Variants in PALLD observed in about 807,000 individuals in gnomAD.
The protein encoded by PALLD is palladin.
PALLD carries 61 observed loss-of-function variants against 123.5 expected under a neutral mutation model. The observed-to-expected ratio is 0.49, with a 90% CI of 0.40 to 0.61. PALLD has a LOEUF of 0.61. PALLD is among the 20% of genes least tolerant of loss of function. The pLI is 0.00. For synonymous variants in PALLD, 465 were observed against 496.4 expected (o/e 0.94, Z 0.84); for missense variants, 1,273 against 1,377.0 (o/e 0.92, Z 1.20).
At chr4:168,600,730 T>C (rs990774488) in intron 2 of PALLD, among the ~76,000 whole-genome samples, 4 of 152,078 alleles carry the variant, frequency 2.6e-5, no homozygotes. Flanking sequence ...AGAATAGTTT[T>C]ATATTGGGGG....
chr4:168,792,483 C>T (rs959250895), intron 10 of PALLD, among the ~76,000 whole-genome samples: 1 of 152,060 alleles, frequency 6.6e-6, no homozygotes, highest in Non-Finnish European at 1.5e-5. Flanking sequence ...TACTTCCTCT[C>T]GCCTACCCAA....
At chr4:168,855,288 A>C (rs545280408) in intron 10 of PALLD, among the ~76,000 whole-genome samples, 165 of 152,134 alleles carry the variant, frequency 1.1e-3, no homozygotes, top group African/African-American at 3.6e-3. Flanking sequence ...ACAAGGTTTC[A>C]CCATGTTGAC....
chr4:168,891,168 T>C lies in PALLD; in HGVS notation c.2100+111T>C, dbSNP rs1334931386. 25 of 1,088,588 alleles carry C rather than the reference T, an allele frequency of 2.3e-5. 2 individuals are homozygous for C. The highest frequency in any genetic ancestry group is 2.1e-4 in the South Asian group (16 of 77,018). 67.4% of individuals were successfully genotyped at this position (1,088,588 alleles called of 1,614,324 possible). A position where few individuals can be genotyped will look rare whatever the true frequency, so the allele number is the denominator to read the frequency against. On this transcript the variant is annotated intron_variant, in intron 11 of 21. Transcript: ENST00000505667. ...TTGTCCACAACATCATCATTATTAT[T>C]ATTATTATTTTTGAGACAGGGTCAC...
At chr4:168,731,388 C>G (rs966172181) in intron 10 of PALLD, among the ~76,000 whole-genome samples, 4 of 152,186 alleles carry the variant, frequency 2.6e-5, no homozygotes, top group Non-Finnish European at 5.9e-5. Context: ...AGAATCTCCC[C>G]TATTCCCAAG....
intron 10 of PALLD, among the ~76,000 whole-genome samples, chr4:168,839,460 G>A (rs949298744): frequency 9.9e-5 from 15 of 152,042 alleles, no homozygotes; most frequent in Admixed American, 3.9e-4. Context: ...AGAATAATAC[G>A]AGAACTAGAT....
chr4:168,557,711 G>C (rs1313382111), intron 2 of PALLD, among the ~76,000 whole-genome samples: 1 of 152,074 alleles, frequency 6.6e-6, no homozygotes, highest in Admixed American at 6.5e-5. Context: ...TCTCAAGCAC[G>C]GTCTCCTTCA....
Position 168,878,682 on chromosome 4 carries a change from TGG to T in PALLD, c.1965-12230_1965-12229del, listed in dbSNP as rs10686951. Among the ~76,000 whole-genome samples the T allele has an allele frequency of 9.7e-3, 811 of 83,926 alleles. 16 individuals carry two copies. Among genetic ancestry groups the T allele is most frequent in the Admixed American group, 0.011 (91 of 8,290 alleles). 55.1% of individuals were successfully genotyped at this position (83,926 alleles called of 152,430 possible). A position where few individuals can be genotyped will look rare whatever the true frequency, so the allele number is the denominator to read the frequency against. On this transcript the variant is annotated intron_variant, in intron 10 of 21. Transcript: ENST00000505667. ...ATGCAGTGCCCTCTCTTAATCATTA[TGG>T]GGGGGGGGGTGCTTAGCTATCATTT...
chr4:168,562,116 C>A (rs1767928986), intron 2 of PALLD, among the ~76,000 whole-genome samples: 1 of 151,416 alleles, frequency 6.6e-6, no homozygotes, highest in African/African-American at 2.4e-5. Flanking sequence ...AAAAGGAATG[C>A]AGACACCGTA....
chr4:168,511,673 G>T lies in PALLD; in HGVS notation c.169G>T (p.Asp57Tyr), dbSNP rs775550730. 30 of 1,614,174 alleles carry T rather than the reference G, an allele frequency of 1.9e-5. No individual in the cohort carries two copies. The highest frequency in any genetic ancestry group is 2.5e-5 in the Non-Finnish European group (30 of 1,180,026). Residue 57 changes from aspartate (D) to tyrosine (Y), a missense_variant, in exon 2 of 22, where the codon GAT becomes TAT. Coordinates refer to ENST00000505667, the MANE Select transcript of PALLD (RefSeq NM_001166108.2). ...RRAIADSETE[D>Y]FDSEKEISQI... ...AGCCATAGCCGACTCCGAAACAGAAGATTTTGACTCGGAAAAGGAGATCTC... is the reference window on the plus strand; with the variant it reads ...AGCCATAGCCGACTCCGAAACAGAATATTTTGACTCGGAAAAGGAGATCTC...
intron 2 of PALLD, among the ~76,000 whole-genome samples, chr4:168,634,335 CA>C (rs557786554): frequency 3.3e-5 from 5 of 152,146 alleles, no homozygotes; most frequent in Non-Finnish European, 7.4e-5. Context: ...TGGTCAGCCC[CA>C]AAGATGGTGG....
At chr4:168,499,554 A>AAAT (rs1191314628) in intron 1 of PALLD, among the ~76,000 whole-genome samples, 5 of 152,050 alleles carry the variant, frequency 3.3e-5, no homozygotes, top group South Asian at 4.2e-4. Context: ...ATATGAAAAT[A>AAAT]AAACTGCTAA....
rs150988973 is a variant in PALLD, at chr4:168,656,886, A to G, written c.909-11304A>G. 5.3e-3 allele frequency among the ~76,000 whole-genome samples: 808 copies of G among 152,354 alleles called. 13 individuals are homozygous for G. Among genetic ancestry groups the G allele is most frequent in the African/African-American group, 0.018 (744 of 41,578 alleles). ...ATAGACTGTTAAAACAGGCATAGCAAATATGTTTCAACTCAGGGGCCAACA... is the reference window on the plus strand; with the variant it reads ...ATAGACTGTTAAAACAGGCATAGCAGATATGTTTCAACTCAGGGGCCAACA... On this transcript the variant is annotated intron_variant, in intron 2 of 21. Transcript: ENST00000505667.
intron 10 of PALLD, among the ~76,000 whole-genome samples, chr4:168,851,931 G>C (rs1027283917): frequency 2.0e-5 from 3 of 152,164 alleles, no homozygotes; most frequent in African/African-American, 7.2e-5. Flanking sequence ...AGGAAAAAAA[G>C]AGGAGGCTAA....
chr4:168,761,554 G>A (rs186360061), intron 10 of PALLD, among the ~76,000 whole-genome samples: 5 of 150,780 alleles, frequency 3.3e-5, no homozygotes, highest in South Asian at 2.1e-4. Flanking sequence ...TCCGCCTCCC[G>A]GGCTCAAGCG....
At chr4:168,589,394 T>C (rs1452946437) in intron 2 of PALLD, among the ~76,000 whole-genome samples, 1 of 152,154 alleles carries the variant, frequency 6.6e-6, no homozygotes, top group East Asian at 1.9e-4. Context: ...CCCCAATCCC[T>C]CTGAGTCAGA....
intron 10 of PALLD, among the ~76,000 whole-genome samples, chr4:168,855,983 T>C (rs1207076141): frequency 6.6e-6 from 1 of 152,230 alleles, no homozygotes; most frequent in African/African-American, 2.4e-5. Context: ...AGAGGATGTT[T>C]TTCAGCCCCT....
At chr4:168,918,190 CAA>C (rs567095866) in intron 17 of PALLD, among the ~76,000 whole-genome samples, 10 of 118,018 alleles carry the variant, frequency 8.5e-5, no homozygotes, top group African/African-American at 9.6e-5. Context: ...GTCTCCCCCA[CAA>C]AAAAAAAAAA....
intron 2 of PALLD, among the ~76,000 whole-genome samples, chr4:168,631,142 A>T (rs1775758738): frequency 6.6e-6 from 1 of 152,196 alleles, no homozygotes; most frequent in African/African-American, 2.4e-5. Context: ...TAATTAATTT[A>T]TGGCTTTGCA....
At chr4:168,609,955 G>T (rs1393327765) in intron 2 of PALLD, among the ~76,000 whole-genome samples, 3 of 152,110 alleles carry the variant, frequency 2.0e-5, no homozygotes, top group African/African-American at 7.2e-5. Context: ...TTTAGAGCTA[G>T]CTCTGCATCC....
Sources: allele counts gnomAD v4.1 joint callset (sites outside exome capture counted in the v4.1 genomes callset), GRCh38; gene constraint gnomAD v4.1.1; transcripts MANE v1.5; gene names NCBI Gene and HGNC (gene_info 2026-07-23, HGNC 2026-07-21).